DENND2A: variants seen among roughly 807,000 people sequenced by gnomAD.
DENND2A encodes DENN domain-containing protein 2A.
DENND2A carries 53 observed loss-of-function variants against 105.3 expected under a neutral mutation model. That is an observed-to-expected ratio of 0.50 (90% CI 0.40 to 0.63). DENND2A has a LOEUF of 0.63. DENND2A is among the 30% of genes least tolerant of loss of function. The pLI, the probability that DENND2A is intolerant of heterozygous loss-of-function variation, is 0.00. For missense variants in DENND2A, 1,138 were observed against 1,279.6 expected (o/e 0.89, Z 1.69); for synonymous variants, 522 against 508.4 (o/e 1.03, Z -0.36).
intron 1 of DENND2A, among the ~76,000 whole-genome samples, chr7:140,639,475 T>C (rs1400041773): frequency 6.6e-6 from 1 of 151,658 alleles, no homozygotes; most frequent in African/African-American, 2.4e-5. Flanking sequence ...CACTCACACA[T>C]ACTTCCTCTC....
intron 1 of DENND2A, among the ~76,000 whole-genome samples, chr7:140,636,593 T>A (rs1800944746): frequency 1.3e-5 from 2 of 151,814 alleles, no homozygotes; most frequent in African/African-American, 4.8e-5. Context: ...CAACCTCAGC[T>A]GTACCTTAAA....
rs1294336943 is a variant in DENND2A, at chr7:140,527,332, G to A, written c.2491C>T (p.Leu831=). 6.3e-7 allele frequency: 1 copy of A among 1,589,018 alleles called. No individual in the cohort carries two copies. Among genetic ancestry groups the A allele is most frequent in the Non-Finnish European group, 8.6e-7 (1 of 1,169,348 alleles). ...TGGGAGCTCACCTCTTCCAGCGGCA[G>A]CTCCCTGAGCAGTGGCAGCGAGCTG... ...LSSSLPLLRE[L]PLEEVLVVDL... The change falls in exon 15 of 20, where the codon CTG becomes TTG. Residue 831 remains leucine, a synonymous_variant. Coordinates refer to ENST00000496613, the MANE Select transcript of DENND2A (RefSeq NM_015689.5). This position sits in a 1 kb window ranked among gnomAD's most constrained non-coding sequence, Gnocchi z 4.9.
At chr7:140,596,635 G>T (rs561091829) in intron 3 of DENND2A, among the ~76,000 whole-genome samples, 1 of 152,286 alleles carries the variant, frequency 6.6e-6, no homozygotes, top group Non-Finnish European at 1.5e-5. Flanking sequence ...TTACACTAAA[G>T]CTCCAAGGAA....
chr7:140,573,698 C>T, intron 6 of DENND2A, 110 bp downstream of exon 6: 1 of 1,261,494 alleles, frequency 7.9e-7, no homozygotes, highest in Non-Finnish European at 1.1e-6. Flanking sequence ...TGCAGCAACA[C>T]AGGTGGGAGA....
intron 3 of DENND2A, among the ~76,000 whole-genome samples, chr7:140,588,175 T>C (rs560186497): frequency 7.2e-5 from 11 of 152,282 alleles, no homozygotes; most frequent in African/African-American, 2.4e-4. Flanking sequence ...CCTCCAAAAG[T>C]GCTGGGATTA....
In DENND2A at chr7:140,518,629, C is replaced by A; in HGVS notation, c.*78G>T. 6.7e-7 allele frequency: 1 copy of A among 1,488,012 alleles called. No individual in the cohort carries two copies. The highest frequency in any genetic ancestry group is 9.3e-7 in the Non-Finnish European group (1 of 1,070,700). The allele number at this position is 1,488,012 out of a possible 1,614,324, so 92.2% of individuals were successfully genotyped here. On this transcript the variant is annotated 3_prime_UTR_variant, in exon 20 of 20. Coordinates refer to ENST00000496613, the MANE Select transcript of DENND2A (RefSeq NM_015689.5). ...CGCACCGTGACAACCTGGGACCCAG[C>A]CTTTCAGAAAGGCCACCAGGAACTG...
chr7:140,550,589 G>A (rs1797091718), intron 12 of DENND2A, among the ~76,000 whole-genome samples: 2 of 152,176 alleles, frequency 1.3e-5, no homozygotes, highest in South Asian at 4.1e-4. Context: ...CCAAAGTGCT[G>A]GGATTACAGG....
Position 140,585,619 on chromosome 7 carries a change from G to C in DENND2A, c.1215C>G (p.Pro405=). 8.7e-6 allele frequency: 14 copies of C among 1,614,108 alleles called. No individual in the cohort carries two copies. The highest frequency in any genetic ancestry group is 1.2e-5 in the Non-Finnish European group (14 of 1,180,014). ...TGAGTGTGTCAGGGATGGAAGAGGT[G>C]GGAGAAGCAGGAAAATTCAAGACAC... ...KKCVLNFPAS[P]TSSIPDTLTK... is the part of the protein sequence containing the mutation. The change falls in exon 5 of 20, where the codon CCC becomes CCG. Residue 405 remains proline (P), a synonymous_variant. Transcript: ENST00000496613.
intron 1 of DENND2A, among the ~76,000 whole-genome samples, chr7:140,638,449 CCTG>C (rs1801035729): frequency 1.3e-5 from 2 of 152,208 alleles, no homozygotes; most frequent in African/African-American, 4.8e-5. Flanking sequence ...TTCAGTTTCT[CCTG>C]CTCCTCAGTA....
intron 1 of DENND2A, among the ~76,000 whole-genome samples, chr7:140,630,473 A>G (rs1026506883): frequency 1.3e-5 from 2 of 152,192 alleles, no homozygotes; most frequent in African/African-American, 4.8e-5. Context: ...GAATAAGAAT[A>G]GGAGGAAGCA....
chr7:140,583,021 G>A (rs1236761622), intron 5 of DENND2A, among the ~76,000 whole-genome samples: 1 of 152,074 alleles, frequency 6.6e-6, no homozygotes, highest in African/African-American at 2.4e-5. Context: ...GCTGGGCATG[G>A]TGGCTCACGC....
chr7:140,617,016 C>T (rs964072958), intron 1 of DENND2A, among the ~76,000 whole-genome samples: 2 of 152,178 alleles, frequency 1.3e-5, no homozygotes, highest in African/African-American at 4.8e-5. Context: ...TGCCACCACG[C>T]CCAGCTGAAT....
At chr7:140,553,225 G>T (rs1484937754) in intron 12 of DENND2A, among the ~76,000 whole-genome samples, 1 of 152,010 alleles carries the variant, frequency 6.6e-6, no homozygotes, top group Non-Finnish European at 1.5e-5. Context: ...GTGGGGAGAG[G>T]GTCAGCAGAC....
At chr7:140,592,830 T>C (rs1223774153) in intron 3 of DENND2A, among the ~76,000 whole-genome samples, 1 of 150,774 alleles carries the variant, frequency 6.6e-6, no homozygotes, top group African/African-American at 2.4e-5. Flanking sequence ...CTTGAACTCC[T>C]GGGCTCAAGC....
intron 1 of DENND2A, among the ~76,000 whole-genome samples, chr7:140,638,661 C>T (rs548853192): frequency 8.5e-5 from 13 of 152,340 alleles, no homozygotes; most frequent in Non-Finnish European, 1.5e-4. Flanking sequence ...TACTGCAACC[C>T]GCAGCCACAC....
chr7:140,520,733 A>AGTTTTTTTTTTTCTT, intron 18 of DENND2A, among the ~76,000 whole-genome samples: 1 of 137,966 alleles, frequency 7.2e-6, no homozygotes, highest in East Asian at 2.3e-4. Context: ...TAATTTTTGT[A>AGTTTTTTTTTTTCTT]TTTTTAGTAG....
chr7:140,634,342 CA>C (rs1800842680), intron 1 of DENND2A, among the ~76,000 whole-genome samples: 1 of 152,076 alleles, frequency 6.6e-6, no homozygotes, highest in Non-Finnish European at 1.5e-5. Flanking sequence ...CTATTTGTGC[CA>C]AGTGATGGTT....
intron 1 of DENND2A, among the ~76,000 whole-genome samples, chr7:140,614,391 C>T (rs1800011018): frequency 6.6e-6 from 1 of 152,204 alleles, no homozygotes; most frequent in South Asian, 2.1e-4. Context: ...AGGTGTGAGC[C>T]ACCGCACCTG....
At position 140,640,742 on chromosome 7, in the gene DENND2A, TCCCTCGGCCGGCCCAGCGCAGGCTCG is replaced by T. The variant is rs1183968496; in HGVS notation, c.-512_-487del. 7.0e-6 allele frequency: 1 copy of T among 143,394 alleles called. No individual in the cohort carries two copies. Among genetic ancestry groups the T allele is most frequent in the African/African-American group, 2.6e-5 (1 of 38,248 alleles). The allele number at this position is 143,394 out of a possible 1,614,324, so 8.9% of individuals were successfully genotyped here. A position where few individuals can be genotyped will look rare whatever the true frequency, so the allele number is the denominator to read the frequency against. On this transcript the variant is annotated 5_prime_UTR_variant, in exon 1 of 20. Coordinates refer to ENST00000496613, the MANE Select transcript of DENND2A (RefSeq NM_015689.5). This position sits in a 1 kb window ranked among gnomAD's most constrained non-coding sequence, Gnocchi z 4.9. ...CCGCCCCCGGCCCCAGCGGCGCGCT[TCCCTCGGCCGGCCCAGCGCAGGCTCG>T]CCCGCGGCCCCTGCCTCCTCCTGCC...
Sources: gnomAD v4.1 joint callset for allele counts (sites outside exome capture counted in the v4.1 genomes callset) on GRCh38, gnomAD v4.1.1 for gene constraint, Gnocchi (gnomAD v3.1) non-coding constraint, MANE v1.5 for transcripts, NCBI Gene and HGNC (gene_info 2026-07-23, HGNC 2026-07-21) for gene names.